Variants in NAALADL2 observed in about 807,000 individuals in gnomAD.
The protein encoded by NAALADL2 is inactive N-acetylated-alpha-linked acidic dipeptidase-like protein 2.
In NAALADL2, 76 loss-of-function variants were observed where a neutral mutation model predicts 87.2. The observed-to-expected ratio is 0.87, with a 90% CI of 0.72 to 1.05. The LOEUF (loss-of-function observed/expected upper bound fraction) is 1.05. NAALADL2 is among the 50% of genes least tolerant of loss of function. The pLI is 0.00. For synonymous variants in NAALADL2, 354 were observed against 331.0 expected, an observed-to-expected ratio of 1.07 and a Z score of -0.75; for missense variants, 1,089 against 945.8, an observed-to-expected ratio of 1.15 and a Z score of -1.99.
intron 2 of NAALADL2, among the ~76,000 whole-genome samples, chr3:175,127,851 T>TTG (rs1727205903): frequency 6.6e-6 from 1 of 152,034 alleles, no homozygotes. Flanking sequence ...AGACCCTGTC[T>TTG]CTACATAAAT....
At chr3:175,385,825 G>T (rs62287976) in intron 5 of NAALADL2, among the ~76,000 whole-genome samples, 52,163 of 151,776 alleles carry the variant, frequency 0.34, 9,882 homozygotes, top group East Asian at 0.61. Flanking sequence ...GTTATATAAA[G>T]TTATTACATG....
chr3:175,515,343 T>C (rs1731689376), intron 9 of NAALADL2, among the ~76,000 whole-genome samples: 1 of 152,164 alleles, frequency 6.6e-6, no homozygotes, highest in Non-Finnish European at 1.5e-5. Context: ...CTTCTTGCCA[T>C]TTCTCTGCAA....
At position 175,493,030 on chromosome 3, in the gene NAALADL2, G is replaced by A. The variant is rs1728320647; in HGVS notation, c.1653+21272G>A. Among the ~76,000 whole-genome samples, 7 of 151,928 alleles carry A rather than the reference G, an allele frequency of 4.6e-5. No homozygotes were observed. In the South Asian group the frequency reaches 6.2e-4, roughly 14 times the overall value. ...TATTTATGTGTACATATGTTAATGT[G>A]CATAACTTATGTACACATATCTTTC... is the stretch of plus-strand genomic sequence containing the variant. On this transcript the variant is annotated intron_variant, in intron 9 of 13. Coordinates refer to ENST00000454872, the MANE Select transcript of NAALADL2 (RefSeq NM_207015.3).
At chr3:175,130,898 T>C (rs1459506969) in intron 2 of NAALADL2, among the ~76,000 whole-genome samples, 1 of 152,214 alleles carries the variant, frequency 6.6e-6, no homozygotes, top group Non-Finnish European at 1.5e-5. Flanking sequence ...CTGTCTTTTA[T>C]GGTTCCATAC....
intron 1 of NAALADL2, among the ~76,000 whole-genome samples, chr3:175,054,367 A>G (rs148086254): frequency 0.025 from 3,731 of 152,284 alleles, 136 homozygotes; most frequent in African/African-American, 0.085. Context: ...TTTTAAATCT[A>G]TGACTATTAA....
At chr3:174,786,221 C>T (rs761586576) in intron 3 of NAALADL2, among the ~76,000 whole-genome samples, 35 of 152,024 alleles carry the variant, frequency 2.3e-4, no homozygotes, top group Non-Finnish European at 3.1e-4. Context: ...TAGGCCAAGG[C>T]GGGCAGATCA....
intron 1 of NAALADL2, among the ~76,000 whole-genome samples, chr3:174,898,112 C>CAAAAAAAAAAAAAAAAAAA (rs913382744): frequency 1.4e-4 from 2 of 14,496 alleles, no homozygotes; most frequent in African/African-American, 2.7e-4. Context: ...GACTCCGTCT[C>CAAAAAAAAAAAAAAAAAAA]AAAAAAAAAA....
At chr3:175,138,366 G>A (rs1396692425) in intron 2 of NAALADL2, among the ~76,000 whole-genome samples, 1 of 152,094 alleles carries the variant, frequency 6.6e-6, no homozygotes, top group African/African-American at 2.4e-5. Context: ...ACTCCTGGGG[G>A]CAGGTATGCT....
chr3:174,770,266 TTAGAA>T (rs1400886527), intron 3 of NAALADL2, among the ~76,000 whole-genome samples: 1 of 152,186 alleles, frequency 6.6e-6, no homozygotes, highest in Non-Finnish European at 1.5e-5. Flanking sequence ...GCCTGTCAAT[TTAGAA>T]TAGGATCTAA....
intron 11 of NAALADL2, among the ~76,000 whole-genome samples, chr3:175,733,044 C>A (rs1383656966): frequency 6.6e-6 from 1 of 152,110 alleles, no homozygotes; most frequent in Non-Finnish European, 1.5e-5. Flanking sequence ...ATATCCTGCA[C>A]ATGTACCCCA....
chr3:174,460,312 T>A (rs1225023704), intron 1 of NAALADL2, among the ~76,000 whole-genome samples: 1 of 152,086 alleles, frequency 6.6e-6, no homozygotes, highest in Non-Finnish European at 1.5e-5. Context: ...GCATTTAGCA[T>A]TTATTCCTAT....
intron 5 of NAALADL2, among the ~76,000 whole-genome samples, chr3:175,394,462 T>A (rs1030052511): frequency 6.6e-6 from 1 of 152,242 alleles, no homozygotes; most frequent in African/African-American, 2.4e-5. Context: ...ATATCACATA[T>A]GCCTCATGAA....
chr3:174,951,037 G>A (rs1057205511), intron 1 of NAALADL2, among the ~76,000 whole-genome samples: 13 of 151,912 alleles, frequency 8.6e-5, no homozygotes, highest in Non-Finnish European at 1.9e-4. Flanking sequence ...ATGCCAATCT[G>A]TATTTTTCAC....
intron 12 of NAALADL2, among the ~76,000 whole-genome samples, chr3:175,741,474 A>G (rs894506501): frequency 6.6e-6 from 1 of 152,190 alleles, no homozygotes; most frequent in Non-Finnish European, 1.5e-5. Context: ...GCAGGAACAC[A>G]GTAGTCCATC....
chr3:175,159,816 C>T (rs890817904), intron 2 of NAALADL2, among the ~76,000 whole-genome samples: 1 of 150,604 alleles, frequency 6.6e-6, no homozygotes, highest in African/African-American at 2.4e-5. Context: ...TTCCTTCCTT[C>T]CTTCCTCTCT....
At chr3:174,985,492 T>C (rs991009161) in intron 1 of NAALADL2, among the ~76,000 whole-genome samples, 8 of 152,172 alleles carry the variant, frequency 5.3e-5, no homozygotes, top group African/African-American at 1.9e-4. Context: ...CCTGGAATCT[T>C]GGAAACAAAA....
At position 175,808,400 on chromosome 3, in the gene NAALADL2, T is replaced by C. The variant is rs545641768; in HGVS notation, c.*5197T>C. On this transcript the variant is annotated 3_prime_UTR_variant, in exon 14 of 14. Transcript: ENST00000454872. ...TAACCAAAATGGTAATTTTGATGGA[T>C]TTTTTAAATGCCAAAATCCAATCAT... 1 of 152,096 alleles carries C rather than the reference T, an allele frequency of 6.6e-6. No individual in the cohort carries two copies. The highest frequency in any genetic ancestry group is 1.9e-4 in the East Asian group (1 of 5,178). 9.4% of individuals were successfully genotyped at this position (152,096 alleles called of 1,614,324 possible).
intron 2 of NAALADL2, among the ~76,000 whole-genome samples, chr3:174,623,820 G>GGATCCATTAATAA (rs1721284219): frequency 6.6e-6 from 1 of 151,842 alleles, no homozygotes; most frequent in East Asian, 1.9e-4. Context: ...TCTTATTAAT[G>GGATCCATTAATAA]GATTTTTACA....
intron 2 of NAALADL2, among the ~76,000 whole-genome samples, chr3:174,730,663 T>C (rs909042792): frequency 1.3e-5 from 2 of 152,132 alleles, no homozygotes; most frequent in African/African-American, 4.8e-5. Context: ...CAATAGTTTA[T>C]TCTTATTGAT....
Sources: gnomAD v4.1 joint callset for allele counts (sites outside exome capture counted in the v4.1 genomes callset) on GRCh38, gnomAD v4.1.1 for gene constraint, MANE v1.5 for transcripts, NCBI Gene and HGNC (gene_info 2026-07-23, HGNC 2026-07-21) for gene names.